Variants in EHMT1 observed in about 807,000 individuals in gnomAD.
EHMT1 encodes the protein histone-lysine N-methyltransferase EHMT1.
EHMT1 carries 15 observed loss-of-function variants against 147.2 expected under a neutral mutation model. The ratio of observed to expected loss-of-function variants is 0.10; its 90% CI spans 0.07 to 0.16. EHMT1 has a LOEUF of 0.16. EHMT1 is among the 10% of genes least tolerant of loss of function. EHMT1 has a pLI of 1.00. For missense variants in EHMT1, 1,587 were observed against 1,772.4 expected (o/e 0.90, Z 1.88); for synonymous variants, 795 against 709.6 (o/e 1.12, Z -1.91).
intron 1 of EHMT1, among the ~76,000 whole-genome samples, chr9:137,658,599 T>C (rs961370344): frequency 1.3e-5 from 2 of 151,904 alleles, no homozygotes; most frequent in Non-Finnish European, 2.9e-5. Context: ...TTTTATAAAA[T>C]TGCATAGAAA....
intron 1 of EHMT1, among the ~76,000 whole-genome samples, chr9:137,682,594 C>T (rs1177361524): frequency 6.6e-6 from 1 of 152,178 alleles, no homozygotes; most frequent in Non-Finnish European, 1.5e-5. Context: ...GGCCTCTTCA[C>T]CAGGTGGCAG....
At chr9:137,736,327 G>A (rs1947527090) in intron 4 of EHMT1, among the ~76,000 whole-genome samples, 1 of 152,152 alleles carries the variant, frequency 6.6e-6, no homozygotes. Context: ...GATACAAGAA[G>A]TAAAACTGAT....
At chr9:137,715,855 T>A in intron 2 of EHMT1, 9 of 984,880 alleles carry the variant, frequency 9.1e-6, no homozygotes, top group Non-Finnish European at 1.1e-5. Context: ...ACTCCATGTT[T>A]TATTATAGCA....
chr9:137,715,367 C>G (rs1025005868), intron 2 of EHMT1, among the ~76,000 whole-genome samples: 2 of 152,246 alleles, frequency 1.3e-5, no homozygotes, highest in Non-Finnish European at 2.9e-5. Context: ...TCAGAACACA[C>G]ACATTAGATG....
intron 4 of EHMT1, among the ~76,000 whole-genome samples, chr9:137,733,055 A>G (rs1483523432): frequency 1.3e-5 from 2 of 152,126 alleles, no homozygotes; most frequent in Non-Finnish European, 2.9e-5. Context: ...GCTTGTTCCC[A>G]TGGGCAGCTG....
chr9:137,640,950 G>A (rs1165967058), intron 1 of EHMT1: 1 of 163,526 alleles, frequency 6.1e-6, no homozygotes, highest in African/African-American at 2.4e-5. Context: ...TTGCTCCCGG[G>A]AACTGGAGAC....
chr9:137,714,981 T>G (rs1338365439), intron 2 of EHMT1, among the ~76,000 whole-genome samples: 2 of 152,142 alleles, frequency 1.3e-5, no homozygotes, highest in Non-Finnish European at 2.9e-5. Context: ...ATACCCTTTG[T>G]AGTTTTCCCT....
intron 1 of EHMT1, among the ~76,000 whole-genome samples, chr9:137,701,286 T>TC (rs1943802017): frequency 6.8e-6 from 1 of 146,038 alleles, no homozygotes; most frequent in East Asian, 1.9e-4. Context: ...TTTTTTTTTT[T>TC]CTCTTGTTTT....
chr9:137,775,093 T>G lies in EHMT1; in HGVS notation c.1648-16T>G, dbSNP rs778418622. 1 of 1,613,980 alleles carries G rather than the reference T, an allele frequency of 6.2e-7. No individual in the cohort carries two copies. The highest frequency in any genetic ancestry group is 1.7e-5 in the Admixed American group (1 of 60,020). ...TCGTGACTCTGACATTGACCACCAG[T>G]CTTGTCTGATTGCAGTTGGGCCGGT... On this transcript the variant is annotated splice_polypyrimidine_tract_variant and intron_variant, in intron 10 of 26. Transcript: ENST00000460843. This position sits in a 1 kb window ranked among gnomAD's most constrained non-coding sequence, Gnocchi z 6.1.
At chr9:137,750,908 C>A (rs1368931353) in intron 6 of EHMT1, among the ~76,000 whole-genome samples, 4 of 152,204 alleles carry the variant, frequency 2.6e-5, no homozygotes, top group Non-Finnish European at 5.9e-5. Context: ...TTTTTAATAA[C>A]TATGGTTGGG....
At chr9:137,820,751 C>T (rs914068324) in intron 25 of EHMT1, among the ~76,000 whole-genome samples, 1 of 152,244 alleles carries the variant, frequency 6.6e-6, no homozygotes, top group African/African-American at 2.4e-5. Flanking sequence ...AGCAGTGTGG[C>T]TCTTGTCATA....
intron 26 of EHMT1, 43 bp downstream of exon 26, chr9:137,834,567 G>T: frequency 2.5e-6 from 4 of 1,606,940 alleles, no homozygotes; most frequent in Non-Finnish European, 3.4e-6. Flanking sequence ...CTGCCGGCGG[G>T]ACGGTTTTAG....
chr9:137,790,213 T>C (rs1311228652), intron 15 of EHMT1, among the ~76,000 whole-genome samples: 1 of 152,278 alleles, frequency 6.6e-6, no homozygotes, highest in Non-Finnish European at 1.5e-5. Flanking sequence ...GTCTTTGTCA[T>C]CTAAGAAGTT....
intron 1 of EHMT1, among the ~76,000 whole-genome samples, chr9:137,636,478 T>C (rs994776562): frequency 9.2e-5 from 14 of 152,180 alleles, no homozygotes; most frequent in African/African-American, 3.1e-4. Context: ...CATTCCTGTT[T>C]TTAGAGGAAA....
At chr9:137,766,606 C>T (rs1383133003) in intron 10 of EHMT1, among the ~76,000 whole-genome samples, 1 of 152,160 alleles carries the variant, frequency 6.6e-6, no homozygotes, top group African/African-American at 2.4e-5. Context: ...CAGAGTGAGA[C>T]TCCGTCACAA....
chr9:137,779,378 C>T (rs189725919), intron 13 of EHMT1, among the ~76,000 whole-genome samples: 3 of 152,364 alleles, frequency 2.0e-5, no homozygotes, highest in Admixed American at 1.3e-4. Context: ...GTAGTGTTCT[C>T]CTGCGGTGAC....
At chr9:137,798,709 C>A in intron 16 of EHMT1, 104 bp from the exon 17 acceptor site, 1 of 933,622 alleles carries the variant, frequency 1.1e-6, no homozygotes, top group Non-Finnish European at 1.8e-6. Flanking sequence ...GGACAGTACC[C>A]CACCCGCATG....
Position 137,787,397 on chromosome 9 carries a change from T to C in EHMT1, c.2383-3451T>C, listed in dbSNP as rs11137228. 0.18 allele frequency among the ~76,000 whole-genome samples: 27,020 copies of C among 152,070 alleles called. 2,814 individuals carry two copies. The highest frequency in any genetic ancestry group is 0.32 in the Admixed American group (4,859 of 15,266). On this transcript the variant is annotated intron_variant, in intron 15 of 26. Coordinates refer to ENST00000460843, the MANE Select transcript of EHMT1 (RefSeq NM_024757.5). The surrounding 1 kb of genome is among the most constrained non-coding windows in gnomAD (Gnocchi z 4.2). ...GGGTAGTGGGCTGAGAAGAGGGGAC[T>C]AGGAAGGGCTATTCCAGGCTCAGCC...
chr9:137,737,223 T>A (rs1947616907), intron 4 of EHMT1, among the ~76,000 whole-genome samples: 1 of 152,052 alleles, frequency 6.6e-6, no homozygotes, highest in Non-Finnish European at 1.5e-5. Context: ...AAAAATAATA[T>A]ATGTATATGT....
Sources: gnomAD v4.1 joint callset for allele counts (sites outside exome capture counted in the v4.1 genomes callset) on GRCh38, gnomAD v4.1.1 for gene constraint, Gnocchi (gnomAD v3.1) non-coding constraint, MANE v1.5 for transcripts, NCBI Gene and HGNC (gene_info 2026-07-23, HGNC 2026-07-21) for gene names.